R3HDM2: variants seen among roughly 807,000 people sequenced by gnomAD.
R3HDM2 encodes R3H domain-containing protein 2.
Under a neutral mutation model 124.5 loss-of-function variants are expected in R3HDM2, and 38 were observed. The observed-to-expected ratio is 0.31, with a 90% confidence interval of 0.24 to 0.40. R3HDM2 has a LOEUF of 0.40. Ranked by LOEUF, R3HDM2 falls within the 10% of genes least tolerant of loss-of-function variation. The probability of loss-of-function intolerance (pLI) is 1.00; values close to 1 mark genes in which losing one functional copy is unlikely to be tolerated. For missense variants in R3HDM2, 869 were observed against 1,236.9 expected (o/e 0.70, Z 4.46); for synonymous variants, 391 against 448.0 (o/e 0.87, Z 1.61).
At chr12:57,424,107 T>A (rs2139636153) in intron 1 of R3HDM2, among the ~76,000 whole-genome samples, 3 of 72,600 alleles carry the variant, frequency 4.1e-5, no homozygotes, top group Admixed American at 2.2e-4. Context: ...AGAGCAAAAC[T>A]CTGTCTCAAA....
At chr12:57,284,916 T>C (rs1405557255) in intron 12 of R3HDM2, among the ~76,000 whole-genome samples, 1 of 152,218 alleles carries the variant, frequency 6.6e-6, no homozygotes, top group Non-Finnish European at 1.5e-5. Flanking sequence ...TTAACAGCTG[T>C]ATGCCTCAAG....
chr12:57,430,701 G>C lies in R3HDM2; in HGVS notation c.-106+19C>G. The stretch of plus-strand genomic sequence containing the variant: ...GGCCGTCCGGGCCGCCCGCCCCCTC[G>C]GCCGGGAGGTGGCCTCACCTCGCAC... On this transcript the variant is annotated intron_variant, in intron 1 of 23. Coordinates refer to ENST00000402412, the MANE Select transcript of R3HDM2 (RefSeq NM_001394031.1). The C allele has an allele frequency of 1.8e-6, 1 of 557,370 alleles. No homozygotes were observed. The highest frequency in any genetic ancestry group is 2.3e-6 in the Non-Finnish European group (1 of 440,158). The allele number at this position is 557,370 out of a possible 1,614,324, so 34.5% of individuals were successfully genotyped here. A position where few individuals can be genotyped will look rare whatever the true frequency, so the allele number is the denominator to read the frequency against.
chr12:57,270,663 C>T (rs1027200096), intron 14 of R3HDM2, among the ~76,000 whole-genome samples: 24 of 151,452 alleles, frequency 1.6e-4, no homozygotes, highest in African/African-American at 5.6e-4. Flanking sequence ...AAACTCCTGA[C>T]CTCAGGTGGA....
At chr12:57,418,530 A>G (rs936670368) in intron 1 of R3HDM2, among the ~76,000 whole-genome samples, 8 of 151,662 alleles carry the variant, frequency 5.3e-5, no homozygotes, top group African/African-American at 9.7e-5. Context: ...TTTTTTACCC[A>G]GCATACTCTA....
At chr12:57,420,008 C>G (rs1165086250) in intron 1 of R3HDM2, among the ~76,000 whole-genome samples, 1 of 152,112 alleles carries the variant, frequency 6.6e-6, no homozygotes, top group Non-Finnish European at 1.5e-5. Context: ...ATATAAAGGT[C>G]ATAAGGCAGA....
chr12:57,423,347 C>T (rs887228490), intron 1 of R3HDM2, among the ~76,000 whole-genome samples: 13 of 151,842 alleles, frequency 8.6e-5, no homozygotes, highest in Non-Finnish European at 1.8e-4. Context: ...TTGCTTGAAC[C>T]CAGGAGGCGG....
chr12:57,255,166 C>T, intron 23 of R3HDM2, 53 bp from the exon 24 acceptor site: 1 of 1,427,838 alleles, frequency 7.0e-7, no homozygotes, highest in Non-Finnish European at 9.5e-7. Context: ...ACAGGAAGGA[C>T]TTGACAGCAG....
At chr12:57,274,471 C>T (rs1321292385) in intron 14 of R3HDM2, among the ~76,000 whole-genome samples, 3 of 152,108 alleles carry the variant, frequency 2.0e-5, no homozygotes, top group East Asian at 1.9e-4. Flanking sequence ...AGCAAGACTC[C>T]GTCTCAAACA....
chr12:57,280,496 C>T lies in R3HDM2; in HGVS notation c.1206G>A (p.Gln402=), dbSNP rs150722530. 9 of 1,613,320 alleles carry T rather than the reference C, an allele frequency of 5.6e-6. No homozygotes were observed. In the Admixed American group the frequency reaches 6.7e-5, roughly 12 times the overall value. The change falls in exon 14 of 24, where the codon CAG becomes CAA. Residue 402 remains glutamine, a synonymous_variant. Coordinates refer to ENST00000402412, the MANE Select transcript of R3HDM2 (RefSeq NM_001394031.1). ...MALGAPEVCN[Q]VTSSQSVRGL... ...CCCGGACAGACTGGGATGAGGTGACCTGGTTGCACACTTCTGGGGCACCTA... is the reference window on the plus strand; with the variant it reads ...CCCGGACAGACTGGGATGAGGTGACTTGGTTGCACACTTCTGGGGCACCTA...
At chr12:57,361,166 G>A (rs1426934881) in intron 2 of R3HDM2, among the ~76,000 whole-genome samples, 4 of 151,116 alleles carry the variant, frequency 2.6e-5, no homozygotes, top group Non-Finnish European at 2.9e-5. Flanking sequence ...ACCTGAGGTC[G>A]CGAGTTTGAG....
intron 2 of R3HDM2, among the ~76,000 whole-genome samples, chr12:57,331,555 GCATA>G (rs746749435): frequency 3.6e-4 from 55 of 152,120 alleles, no homozygotes; most frequent in Non-Finnish European, 4.4e-4. Flanking sequence ...ATAGTGCCTG[GCATA>G]TAATAAGTAT....
chr12:57,308,215 C>G (rs996645520), intron 3 of R3HDM2, among the ~76,000 whole-genome samples: 2 of 151,578 alleles, frequency 1.3e-5, no homozygotes, highest in African/African-American at 4.8e-5. Context: ...CCACCATGCC[C>G]AGCTAATTTT....
At chr12:57,377,947 G>T (rs1308619351) in intron 2 of R3HDM2, among the ~76,000 whole-genome samples, 1 of 152,128 alleles carries the variant, frequency 6.6e-6, no homozygotes, top group African/African-American at 2.4e-5. Flanking sequence ...AATTAGCCAG[G>T]TGTGGTGGTG....
chr12:57,391,096 A>C (rs1392897743), intron 2 of R3HDM2, among the ~76,000 whole-genome samples: 1 of 152,142 alleles, frequency 6.6e-6, no homozygotes, highest in African/African-American at 2.4e-5. Context: ...CATTTATCAC[A>C]GACAAATAAA....
chr12:57,352,099 AG>A (rs1447791274), intron 2 of R3HDM2, among the ~76,000 whole-genome samples: 1 of 152,104 alleles, frequency 6.6e-6, no homozygotes, highest in Non-Finnish European at 1.5e-5. Flanking sequence ...CAGTAGAGAA[AG>A]GAAATACAAT....
intron 2 of R3HDM2, among the ~76,000 whole-genome samples, chr12:57,372,372 A>G (rs2063489116): frequency 6.6e-6 from 1 of 152,202 alleles, no homozygotes; most frequent in Non-Finnish European, 1.5e-5. Flanking sequence ...CAGCAGCAGG[A>G]TTTAAAAATA....
intron 2 of R3HDM2, among the ~76,000 whole-genome samples, chr12:57,337,533 A>C (rs2059012325): frequency 6.6e-6 from 1 of 151,998 alleles, no homozygotes; most frequent in African/African-American, 2.4e-5. Context: ...ATTGTATTAA[A>C]GCATTTTTTT....
At chr12:57,306,186 G>C (rs1311678959) in intron 3 of R3HDM2, among the ~76,000 whole-genome samples, 3 of 152,154 alleles carry the variant, frequency 2.0e-5, no homozygotes, top group Non-Finnish European at 4.4e-5. Flanking sequence ...TGATGCATTG[G>C]ATGTCAGAGG....
At chr12:57,357,344 C>T (rs1036499422) in intron 2 of R3HDM2, among the ~76,000 whole-genome samples, 11 of 150,464 alleles carry the variant, frequency 7.3e-5, no homozygotes, top group Admixed American at 6.6e-5. Context: ...TGCCTGTAGT[C>T]CCAGCTACTT....
Sources: allele counts gnomAD v4.1 joint callset (sites outside exome capture counted in the v4.1 genomes callset), GRCh38; gene constraint gnomAD v4.1.1; transcripts MANE v1.5; gene names NCBI Gene and HGNC (gene_info 2026-07-23, HGNC 2026-07-21).